CCDC169: variants seen among roughly 807,000 people sequenced by gnomAD.
CCDC169 encodes coiled-coil domain-containing protein 169.
CCDC169 carries 30 observed loss-of-function variants against 36.0 expected under a neutral mutation model. The observed-to-expected ratio is 0.83, with a 90% CI of 0.62 to 1.13. The LOEUF (loss-of-function observed/expected upper bound fraction) is 1.13, where lower values mean the gene tolerates loss of function less well. Among genes scored for constraint, CCDC169 ranks in the 50% most tolerant of loss-of-function variants. The probability of loss-of-function intolerance (pLI) is 0.00; values close to 1 mark genes in which losing one functional copy is unlikely to be tolerated. For missense variants in CCDC169, 245 were observed against 245.9 expected (o/e 1.00, Z 0.03); for synonymous variants, 85 against 81.5 (o/e 1.04, Z -0.23).
At chr13:36,256,879 C>T (rs894341545) in intron 4 of CCDC169, among the ~76,000 whole-genome samples, 1 of 152,224 alleles carries the variant, frequency 6.6e-6, no homozygotes, top group East Asian at 1.9e-4. Flanking sequence ...TCCATAGGTT[C>T]CCTGGCACTA....
At chr13:36,294,848 C>T (rs957735756) in intron 2 of CCDC169, among the ~76,000 whole-genome samples, 1 of 152,046 alleles carries the variant, frequency 6.6e-6, no homozygotes, top group Non-Finnish European at 1.5e-5. Context: ...AGTGCTTTTC[C>T]ATACAATGTC....
chr13:36,228,622 C>T (rs913545314), downstream of CCDC169, among the ~76,000 whole-genome samples: 5 of 152,088 alleles, frequency 3.3e-5, no homozygotes, highest in African/African-American at 1.2e-4. Context: ...TGCAGTGGCT[C>T]ATTGCAGCCT....
At chr13:36,278,006 C>A (rs1877052584) in intron 4 of CCDC169, among the ~76,000 whole-genome samples, 1 of 151,332 alleles carries the variant, frequency 6.6e-6, no homozygotes. Context: ...TGAGAAGGTA[C>A]CAAAAGATTC....
chr13:36,267,018 T>A (rs1465663319), intron 4 of CCDC169: 1 of 152,064 alleles, frequency 6.6e-6, no homozygotes, highest in African/African-American at 2.4e-5. Context: ...TAAAAGGAAA[T>A]AGAGAGGGAG....
chr13:36,254,799 T>C (rs1021554685), intron 4 of CCDC169, among the ~76,000 whole-genome samples: 6 of 152,184 alleles, frequency 3.9e-5, no homozygotes, highest in African/African-American at 1.2e-4. Flanking sequence ...TCAAAAGTGC[T>C]TTCAAAGGAG....
At chr13:36,271,983 G>A (rs1434963750) in intron 4 of CCDC169, among the ~76,000 whole-genome samples, 2 of 151,574 alleles carry the variant, frequency 1.3e-5, no homozygotes, top group Non-Finnish European at 2.9e-5. Flanking sequence ...TACTCAGGAG[G>A]CTGAGGCAGA....
chr13:36,254,405 A>C lies in CCDC169; in HGVS notation c.316-262T>G, dbSNP rs113449217. ...ATTCCCCTGCCTCAGGCTCCCAAGTAGCTGGGATTACAGGCACCTGCAACC... is the reference window on the plus strand; with the variant it reads ...ATTCCCCTGCCTCAGGCTCCCAAGTCGCTGGGATTACAGGCACCTGCAACC... On this transcript the variant is annotated intron_variant, in intron 4 of 7. Coordinates refer to ENST00000239859, the MANE Select transcript of CCDC169 (RefSeq NM_001144981.3). 9.4e-3 allele frequency among the ~76,000 whole-genome samples: 1,418 copies of C among 151,452 alleles called. 20 individuals carry two copies. Among genetic ancestry groups the C allele is most frequent in the African/African-American group, 0.033 (1,343 of 41,220 alleles).
chr13:36,253,855 G>A lies in CCDC169; in HGVS notation c.416C>T (p.Ala139Val), dbSNP rs1231847619. Residue 139 changes from alanine to valine, a missense_variant and splice_region_variant, in exon 6 of 8, where the codon GCT becomes GTT. Ala to Val is a moderately conservative substitution (Grantham distance 64). Coordinates refer to ENST00000239859, the MANE Select transcript of CCDC169 (RefSeq NM_001144981.3). The part of the protein sequence containing the change: ...YALKLEQESK[A>V]YQKINNERRT... ...GCGTTCATTGTTGATCTTCTGGTAA[G>A]CCTGTGTGAAGATACAAAAGCAAAG... 6.4e-6 allele frequency: 10 copies of A among 1,551,110 alleles called. No homozygotes were observed. The East Asian group carries it at 2.4e-4, about 38-fold the overall frequency.
Position 36,283,679 on chromosome 13 carries a change from C to T in CCDC169, c.187G>A (p.Glu63Lys), listed in dbSNP as rs1323125827. 4.8e-5 allele frequency: 74 copies of T among 1,550,830 alleles called. No homozygotes were observed. In the Admixed American group the frequency reaches 1.4e-3, roughly 29 times the overall value. Residue 63 changes from glutamate (E) to lysine (K), a missense_variant, in exon 3 of 8, where the codon GAG (glutamate) becomes AAG (lysine). By Grantham distance (56) the Glu-to-Lys change is moderately conservative (BLOSUM62 1). Coordinates refer to ENST00000239859, the MANE Select transcript of CCDC169 (RefSeq NM_001144981.3). ...TCATCATTTAATTCAAGTTGTGTCT[C>T]ATAACGGGTTTTCCATTCACTACCT... ...NEGSEWKTRY[E>K]TQLELNDELE...
intron 2 of CCDC169, among the ~76,000 whole-genome samples, chr13:36,290,266 A>T (rs956671517): frequency 6.6e-6 from 1 of 152,220 alleles, no homozygotes; most frequent in African/African-American, 2.4e-5. Context: ...TTCTCTTAAT[A>T]ATTTTGCCTC....
At chr13:36,271,855 C>T (rs1175570408) in intron 4 of CCDC169, among the ~76,000 whole-genome samples, 12 of 151,878 alleles carry the variant, frequency 7.9e-5, no homozygotes, top group South Asian at 4.2e-4. Flanking sequence ...GAGGCCAAAG[C>T]GGGCGGATCA....
intron 2 of CCDC169, among the ~76,000 whole-genome samples, chr13:36,289,117 G>GTATT (rs999667413): frequency 2.0e-5 from 3 of 151,966 alleles, no homozygotes; most frequent in African/African-American, 4.8e-5. Flanking sequence ...TTTTCTTAAG[G>GTATT]TATTACTTTT....
At chr13:36,237,313 G>A (rs1221409457) in intron 7 of CCDC169, among the ~76,000 whole-genome samples, 1 of 152,026 alleles carries the variant, frequency 6.6e-6, no homozygotes, top group Non-Finnish European at 1.5e-5. Context: ...TAAGGATGTG[G>A]AGAAATTGGA....
intron 6 of CCDC169, among the ~76,000 whole-genome samples, chr13:36,249,746 G>GAC (rs1872920792): frequency 1.8e-5 from 1 of 55,344 alleles, no homozygotes; most frequent in Non-Finnish European, 5.4e-5. Context: ...ATATTATTAA[G>GAC]TAAGTCCTAG....
downstream of CCDC169, among the ~76,000 whole-genome samples, chr13:36,228,613 G>A (rs578096023): frequency 4.6e-5 from 7 of 152,040 alleles, no homozygotes; most frequent in Non-Finnish European, 7.4e-5. Context: ...ACGCTGGAGT[G>A]CAGTGGCTCA....
chr13:36,223,753 A>G (rs949282137), downstream of CCDC169: 1 of 152,162 alleles, frequency 6.6e-6, no homozygotes, highest in Non-Finnish European at 1.5e-5. Flanking sequence ...ATTAGTATCT[A>G]TAACTCAATT....
At chr13:36,279,551 T>TA (rs1877249891) in intron 4 of CCDC169, among the ~76,000 whole-genome samples, 2 of 152,234 alleles carry the variant, frequency 1.3e-5, no homozygotes, top group Non-Finnish European at 2.9e-5. Context: ...GAAGAGTTAA[T>TA]AAAAATATAG....
downstream of CCDC169, among the ~76,000 whole-genome samples, chr13:36,229,780 T>C (rs190665811): frequency 3.6e-3 from 553 of 152,182 alleles, 18 homozygotes; most frequent in Admixed American, 0.034. Context: ...TGGACTCAAG[T>C]GATCTGCCTG....
intron 1 of CCDC169, among the ~76,000 whole-genome samples, chr13:36,296,089 T>C (rs1879447485): frequency 6.6e-6 from 1 of 152,134 alleles, no homozygotes; most frequent in Admixed American, 6.5e-5. Flanking sequence ...AAATCTTTTA[T>C]TTATTTTTAT....
Sources: gnomAD v4.1 joint callset for allele counts (sites outside exome capture counted in the v4.1 genomes callset) on GRCh38, gnomAD v4.1.1 for gene constraint, MANE v1.5 for transcripts, NCBI Gene and HGNC (gene_info 2026-07-23, HGNC 2026-07-21) for gene names.